Variants in TMTC1 observed in about 807,000 individuals in gnomAD.
TMTC1 encodes protein O-mannosyl-transferase TMTC1.
In TMTC1, 73 loss-of-function variants were observed where a neutral mutation model predicts 104.8. That is an observed-to-expected ratio of 0.70 (90% CI 0.58 to 0.85). The LOEUF (loss-of-function observed/expected upper bound fraction) is 0.85, where lower values mean the gene tolerates loss of function less well. Among genes scored for constraint, TMTC1 ranks in the 40% least tolerant of loss-of-function variants. The pLI, the probability that TMTC1 is intolerant of heterozygous loss-of-function variation, is 0.00. For missense variants in TMTC1, 1,035 were observed against 1,096.1 expected, an observed-to-expected ratio of 0.94 and a Z score of 0.79; for synonymous variants, 434 against 428.7, an observed-to-expected ratio of 1.01 and a Z score of -0.15.
At position 29,521,247 on chromosome 12, in the gene TMTC1, G is replaced by T. The variant is rs188808766; in HGVS notation, c.1786-527C>A. 4.3e-4 allele frequency among the ~76,000 whole-genome samples: 65 copies of T among 152,328 alleles called. 1 individual carries two copies. The East Asian group carries it at 0.011, about 25-fold the overall frequency. On this transcript the variant is annotated intron_variant, in intron 11 of 17. Coordinates refer to ENST00000539277, the MANE Select transcript of TMTC1 (RefSeq NM_001193451.2). Reference sequence around the variant, plus strand: ...AAGTTTTTGAGGGAAGTAGAGAGGGGAGGCAGATGCAGATGTTGGGGAGGG... The same window carrying T: ...AAGTTTTTGAGGGAAGTAGAGAGGGTAGGCAGATGCAGATGTTGGGGAGGG...
intron 10 of TMTC1, among the ~76,000 whole-genome samples, chr12:29,542,917 T>C (rs1447977253): frequency 1.3e-5 from 2 of 152,078 alleles, no homozygotes; most frequent in Admixed American, 6.5e-5. Flanking sequence ...ATATCCTTGA[T>C]TGCATATCCA....
rs969537207 is a variant in TMTC1, at chr12:29,765,761, A to T, written c.480+2137T>A. 4.6e-5 allele frequency among the ~76,000 whole-genome samples: 7 copies of T among 152,198 alleles called. No individual in the cohort carries two copies. The East Asian group carries it at 9.6e-4, about 21-fold the overall frequency. On this transcript the variant is annotated intron_variant, in intron 2 of 17. Transcript: ENST00000539277. ...CTGTGGCTGAATCTTACCTTTTGTT[A>T]GACTATGACAGCAGGTACCAACTAT...
intron 16 of TMTC1, among the ~76,000 whole-genome samples, chr12:29,513,964 T>C (rs547060982): frequency 6.6e-6 from 1 of 152,200 alleles, no homozygotes; most frequent in South Asian, 2.1e-4. Context: ...AAACGACTGG[T>C]ACCTTCATGA....
Position 29,513,952 on chromosome 12 carries a change from T to C in TMTC1, c.2430+530A>G, listed in dbSNP as rs77194881. 3.5e-3 allele frequency among the ~76,000 whole-genome samples: 527 copies of C among 152,226 alleles called. 3 individuals are homozygous for C. Among genetic ancestry groups the C allele is most frequent in the African/African-American group, 0.012 (513 of 41,536 alleles). On this transcript the variant is annotated intron_variant, in intron 16 of 17. Coordinates refer to ENST00000539277, the MANE Select transcript of TMTC1 (RefSeq NM_001193451.2). ...TAATACAATGTAATATGTGACACTT[T>C]CAAACGACTGGTACCTTCATGAGAC...
intron 5 of TMTC1, among the ~76,000 whole-genome samples, chr12:29,740,656 C>A (rs762211436): frequency 1.3e-5 from 2 of 152,144 alleles, no homozygotes. Flanking sequence ...TCTAAGAGAA[C>A]CCTGACTAAC....
intron 6 of TMTC1, among the ~76,000 whole-genome samples, chr12:29,618,587 C>T (rs184944861): frequency 1.3e-5 from 2 of 151,128 alleles, no homozygotes; most frequent in East Asian, 3.9e-4. Context: ...GATGATTCTT[C>T]CCAGGGTTGT....
At chr12:29,560,949 T>C (rs1945361928) in intron 9 of TMTC1, among the ~76,000 whole-genome samples, 1 of 152,192 alleles carries the variant, frequency 6.6e-6, no homozygotes, top group South Asian at 2.1e-4. Context: ...AATGGTACTT[T>C]ACATTTTTAA....
At chr12:29,615,247 A>C (rs1453574656) in intron 6 of TMTC1, among the ~76,000 whole-genome samples, 1 of 152,194 alleles carries the variant, frequency 6.6e-6, no homozygotes, top group African/African-American at 2.4e-5. Context: ...TAGCAGTCAC[A>C]CACTGGCTTC....
At chr12:29,666,223 TTTTTC>T (rs1432923117) in intron 5 of TMTC1, 2 of 412,532 alleles carry the variant, frequency 4.8e-6, no homozygotes, top group African/African-American at 2.4e-5. Context: ...CTTTTTTTCT[TTTTTC>T]TTTTTTTTTT....
In TMTC1 at chr12:29,633,240, C is replaced by T. The variant is rs1220535174; in HGVS notation, c.1035G>A (p.Leu345=). ...CYDWQVGSIP[L]VETIWDMRNL... is the part of the protein sequence containing the mutation. ...TCCGCATGTCCCATATGGTCTCTAC[C>T]AGAGGAATACTGCCGACCTGCCAGT... Residue 345 remains leucine, a synonymous_variant, in exon 6 of 18, where the codon CTG becomes CTA. Transcript: ENST00000539277. 1 of 1,613,862 alleles carries T rather than the reference C, an allele frequency of 6.2e-7. No homozygotes were observed. Among genetic ancestry groups the T allele is most frequent in the African/African-American group, 1.3e-5 (1 of 74,866 alleles).
intron 15 of TMTC1, among the ~76,000 whole-genome samples, chr12:29,515,612 C>G (rs529071851): frequency 6.6e-6 from 1 of 152,158 alleles, no homozygotes; most frequent in Non-Finnish European, 1.5e-5. Context: ...CCAGACTCAT[C>G]GGGTCCCCTG....
At chr12:29,643,263 T>C (rs1938947477) in intron 5 of TMTC1, among the ~76,000 whole-genome samples, 1 of 151,484 alleles carries the variant, frequency 6.6e-6, no homozygotes, top group Admixed American at 6.6e-5. Context: ...AAAGTAGATC[T>C]ACCATTTGAT....
At chr12:29,526,287 G>C (rs1260951211) in intron 11 of TMTC1, among the ~76,000 whole-genome samples, 1 of 152,138 alleles carries the variant, frequency 6.6e-6, no homozygotes, top group Non-Finnish European at 1.5e-5. Context: ...GGACCAGGTG[G>C]CCATTTAGGC....
At chr12:29,529,746 A>G (rs1277576583) in intron 11 of TMTC1, 1 of 152,198 alleles carries the variant, frequency 6.6e-6, no homozygotes, top group Non-Finnish European at 1.5e-5. Context: ...GAAACATGCT[A>G]TCAATATTTG....
chr12:29,671,472 C>T (rs1424920190), intron 5 of TMTC1, among the ~76,000 whole-genome samples: 1 of 152,154 alleles, frequency 6.6e-6, no homozygotes, highest in Admixed American at 6.6e-5. Context: ...AGCATACATG[C>T]ATACATTTAA....
At chr12:29,665,364 C>T (rs1345918971) in intron 5 of TMTC1, among the ~76,000 whole-genome samples, 1 of 152,126 alleles carries the variant, frequency 6.6e-6, no homozygotes, top group South Asian at 2.1e-4. Flanking sequence ...CTAAGGTTAG[C>T]CATAGTAAAT....
chr12:29,620,333 C>T (rs1015599716), intron 6 of TMTC1, among the ~76,000 whole-genome samples: 4 of 152,168 alleles, frequency 2.6e-5, no homozygotes, highest in African/African-American at 9.7e-5. Context: ...ACAGCCTTCC[C>T]TCCCCCCAGC....
chr12:29,619,736 A>G (rs1211720000), intron 6 of TMTC1, among the ~76,000 whole-genome samples: 1 of 152,230 alleles, frequency 6.6e-6, no homozygotes, highest in Non-Finnish European at 1.5e-5. Context: ...ATAAGTCACT[A>G]AATTTCCCAT....
intron 15 of TMTC1, among the ~76,000 whole-genome samples, chr12:29,515,817 G>A (rs1943969858): frequency 6.6e-6 from 1 of 150,656 alleles, no homozygotes; most frequent in African/African-American, 2.4e-5. Flanking sequence ...GGACATAGTG[G>A]GCCTTCAACA....
Sources: allele counts gnomAD v4.1 joint callset (sites outside exome capture counted in the v4.1 genomes callset), GRCh38; gene constraint gnomAD v4.1.1; transcripts MANE v1.5; gene names NCBI Gene and HGNC (gene_info 2026-07-23, HGNC 2026-07-21).